The following FRY variants were observed in gnomAD, a reference collection of about 807,000 sequenced individuals.
The protein encoded by FRY is FRY microtubule binding protein, also known as protein furry homolog.
Under a neutral mutation model 348.4 loss-of-function variants are expected in FRY, and 128 were observed. That is an observed-to-expected ratio of 0.37 (90% CI 0.32 to 0.43). The LOEUF (loss-of-function observed/expected upper bound fraction) is 0.43, where lower values mean the gene tolerates loss of function less well. Ranked by LOEUF, FRY falls within the 20% of genes least tolerant of loss-of-function variation. The pLI, the probability that FRY is intolerant of heterozygous loss-of-function variation, is 1.00. For synonymous variants in FRY, 1,370 were observed against 1,374.7 expected, an observed-to-expected ratio of 1.00 and a Z score of 0.08; for missense variants, 2,736 against 3,695.2, an observed-to-expected ratio of 0.74 and a Z score of 6.73.
At chr13:32,130,251 G>A (rs1461857124) in intron 7 of FRY, among the ~76,000 whole-genome samples, 2 of 151,946 alleles carry the variant, frequency 1.3e-5, no homozygotes, top group Non-Finnish European at 2.9e-5. Context: ...ATGTTGGTCA[G>A]GCTGGTCTCG....
chr13:32,189,045 CTG>C (rs1883187361), intron 28 of FRY, among the ~76,000 whole-genome samples: 1 of 152,124 alleles, frequency 6.6e-6, no homozygotes, highest in African/African-American at 2.4e-5. Context: ...TGGTCTACCA[CTG>C]TGGGCTTCAT....
chr13:32,256,986 A>T (rs1015618525), intron 51 of FRY, among the ~76,000 whole-genome samples: 2 of 152,250 alleles, frequency 1.3e-5, no homozygotes, highest in Non-Finnish European at 2.9e-5. Context: ...AAATTATTTT[A>T]AAATTGTATA....
Position 32,297,993 on chromosome 13 carries a change from C to T in FRY, c.*2533C>T. The T allele has an allele frequency of 6.6e-6, 1 of 152,196 alleles. No individual in the cohort carries two copies. Among genetic ancestry groups the T allele is most frequent in the East Asian group, 1.9e-4 (1 of 5,200 alleles). 9.4% of individuals were successfully genotyped at this position (152,196 alleles called of 1,614,324 possible). A position where few individuals can be genotyped will look rare whatever the true frequency, so the allele number is the denominator to read the frequency against. On this transcript the variant is annotated 3_prime_UTR_variant, in exon 61 of 61. Transcript: ENST00000542859. ...GACATCACTTGATTAAAATTATAGT[C>T]TCCAAATATAGTGTTTTAGAAAAGG...
Position 32,294,577 on chromosome 13 carries a change from C to G in FRY, c.8783+7C>G, listed in dbSNP as rs766491830. 1.9e-6 allele frequency: 3 copies of G among 1,608,856 alleles called. No homozygotes were observed. In the East Asian group the frequency reaches 6.7e-5, roughly 36 times the overall value. On this transcript the variant is annotated splice_region_variant and intron_variant, in intron 60 of 60. Transcript: ENST00000542859. ...GGCAGATCAGGGAGTGCAGGTGACT[C>G]TGCTATTTCTTTTAGAGGTGGTTGC... is the stretch of plus-strand genomic sequence containing the variant.
rs918300526 is a variant in FRY, at chr13:32,047,572, C to CT, written c.70+15716dup. Among the ~76,000 whole-genome samples the CT allele has an allele frequency of 2.9e-4, 34 of 118,272 alleles. 1 individual carries two copies. The highest frequency in any genetic ancestry group is 6.1e-4 in the South Asian group (2 of 3,296). 77.6% of individuals were successfully genotyped at this position (118,272 alleles called of 152,430 possible). On this transcript the variant is annotated intron_variant, in intron 1 of 60. Transcript: ENST00000542859. ...TGTTTTTCTTTTTTTCTTTTCTTTT[C>CT]TTTTTTTTTGGGGGGGGTGCAGAGT...
chr13:32,130,724 A>C (rs1879304726), intron 7 of FRY, among the ~76,000 whole-genome samples: 1 of 152,054 alleles, frequency 6.6e-6, no homozygotes, highest in Non-Finnish European at 1.5e-5. Context: ...TTTGTTTTGC[A>C]CTTATCAGAT....
At chr13:32,114,156 G>A (rs990011570) in intron 3 of FRY, among the ~76,000 whole-genome samples, 1 of 152,158 alleles carries the variant, frequency 6.6e-6, no homozygotes, top group Admixed American at 6.5e-5. Context: ...TGGGTCTGTA[G>A]TGAGTATTGG....
intron 1 of FRY, among the ~76,000 whole-genome samples, chr13:32,066,648 A>C (rs1264533570): frequency 6.6e-6 from 1 of 152,154 alleles, no homozygotes; most frequent in Non-Finnish European, 1.5e-5. Flanking sequence ...TCCTGCCTTC[A>C]TTAGTCTTCT....
intron 46 of FRY, among the ~76,000 whole-genome samples, chr13:32,242,761 C>T (rs1373613962): frequency 7.9e-5 from 12 of 152,184 alleles, no homozygotes. Flanking sequence ...TCTTGTACTC[C>T]TGACCTCAGG....
intron 1 of FRY, among the ~76,000 whole-genome samples, chr13:32,044,376 A>T (rs1872908507): frequency 6.6e-6 from 1 of 152,202 alleles, no homozygotes; most frequent in Admixed American, 6.5e-5. Flanking sequence ...AGGTATCGCA[A>T]TGGTTAAATA....
Position 32,234,695 on chromosome 13 carries a change from A to G in FRY, c.5649A>G (p.Ala1883=), listed in dbSNP as rs781114190. 5.9e-5 allele frequency: 96 copies of G among 1,613,980 alleles called. 1 individual carries two copies. Among genetic ancestry groups the G allele is most frequent in the South Asian group, 4.4e-4 (40 of 91,088 alleles). The change falls in exon 42 of 61, where the codon GCA becomes GCG. Residue 1883 remains alanine (A), a synonymous_variant. Coordinates refer to ENST00000542859, the MANE Select transcript of FRY (RefSeq NM_023037.3). ...IFRALKQPLS[A]HALSDLLSRL... ...GGGCCCTCAAGCAACCTCTGTCAGC[A>G]CATGCCTTATCTGACCTTCTCTCAA...
At chr13:32,202,305 A>G (rs1884076619) in intron 30 of FRY, 51 bp from the exon 31 acceptor site, 2 of 1,347,482 alleles carry the variant, frequency 1.5e-6, no homozygotes, top group Non-Finnish European at 2.1e-6. Context: ...CTCATGAGAT[A>G]TCCAGCTAAT....
At chr13:32,171,493 C>T (rs1286660970) in intron 18 of FRY, among the ~76,000 whole-genome samples, 1 of 151,530 alleles carries the variant, frequency 6.6e-6, no homozygotes, top group East Asian at 1.9e-4. Flanking sequence ...GTAGTTTTAG[C>T]AGAGATTGGG....
At chr13:32,174,191 CT>C (rs1235392077) in intron 19 of FRY, among the ~76,000 whole-genome samples, 2 of 152,182 alleles carry the variant, frequency 1.3e-5, no homozygotes, top group African/African-American at 2.4e-5. Context: ...TCATATATTT[CT>C]TTAGAAAATT....
chr13:32,223,585 G>A (rs1490806910), intron 36 of FRY, among the ~76,000 whole-genome samples: 1 of 152,106 alleles, frequency 6.6e-6, no homozygotes, highest in Non-Finnish European at 1.5e-5. Context: ...AGACCAGCAT[G>A]AACAACATGT....
At chr13:32,268,505 A>AT (rs1555273231) in intron 55 of FRY, among the ~76,000 whole-genome samples, 23 of 28,224 alleles carry the variant, frequency 8.1e-4, no homozygotes, top group Non-Finnish European at 1.6e-3. Context: ...AAAAAAAAAA[A>AT]ATATATATAT....
intron 23 of FRY, among the ~76,000 whole-genome samples, chr13:32,181,915 T>C (rs1441932843): frequency 6.6e-6 from 1 of 152,212 alleles, no homozygotes; most frequent in African/African-American, 2.4e-5. Context: ...AAATATTTGT[T>C]AAATGGTAGC....
At chr13:32,107,485 T>C (rs980114292) in intron 3 of FRY, among the ~76,000 whole-genome samples, 4 of 152,176 alleles carry the variant, frequency 2.6e-5, no homozygotes, top group African/African-American at 9.7e-5. Flanking sequence ...AACTAGGAAT[T>C]TGTGCCCTCA....
intron 28 of FRY, among the ~76,000 whole-genome samples, chr13:32,191,858 T>C (rs988623950): frequency 5.3e-5 from 8 of 152,044 alleles, no homozygotes; most frequent in African/African-American, 1.9e-4. Flanking sequence ...ACCACCACCT[T>C]GGGGGTTAAG....
Sources: gnomAD v4.1 joint callset for allele counts (sites outside exome capture counted in the v4.1 genomes callset) on GRCh38, gnomAD v4.1.1 for gene constraint, MANE v1.5 for transcripts, NCBI Gene and HGNC (gene_info 2026-07-23, HGNC 2026-07-21) for gene names.